NUP210: variants seen among roughly 807,000 people sequenced by gnomAD.
The protein encoded by NUP210 is nucleoporin 210.
A neutral mutation model predicts 196.0 loss-of-function variants in NUP210; 151 were observed. The observed-to-expected ratio is 0.77, with a 90% CI of 0.67 to 0.88. The LOEUF is 0.88. Ranked by LOEUF, NUP210 falls within the 40% of genes least tolerant of loss-of-function variation. The pLI, the probability that NUP210 is intolerant of heterozygous loss-of-function variation, is 0.00. For missense variants in NUP210, 2,314 were observed against 2,493.7 expected (o/e 0.93, Z 1.53); for synonymous variants, 1,070 against 1,052.7 (o/e 1.02, Z -0.32).
chr3:13,397,813 A>G (rs1475267326), intron 2 of NUP210, among the ~76,000 whole-genome samples: 3 of 152,224 alleles, frequency 2.0e-5, no homozygotes, highest in Non-Finnish European at 1.5e-5. Flanking sequence ...TTATAGTATG[A>G]TGAGTTCCCA....
chr3:13,360,482 G>C lies in NUP210; in HGVS notation c.1942C>G (p.Pro648Ala). ...AAYLPLKAVD[P>A]SSVALVTLGS... ...AGGGTTACCAAGGCAACAGAGGAGG[G>C]ATCCACAGCCTGGGGACAGAAGAGG... Residue 648 changes from proline (P) to alanine (A), a missense_variant, in exon 15 of 40, where the codon CCC (proline) becomes GCC (alanine). Pro to Ala is a conservative substitution (Grantham distance 27). Coordinates refer to ENST00000254508, the MANE Select transcript of NUP210 (RefSeq NM_024923.4). 1 of 1,609,104 alleles carries C rather than the reference G, an allele frequency of 6.2e-7. No homozygotes were observed. Among genetic ancestry groups the C allele is most frequent in the South Asian group, 1.1e-5 (1 of 90,120 alleles).
At chr3:13,356,427 G>A (rs1238679906) in intron 16 of NUP210, among the ~76,000 whole-genome samples, 1 of 152,154 alleles carries the variant, frequency 6.6e-6, no homozygotes, top group Non-Finnish European at 1.5e-5. Context: ...GGCGGATCAC[G>A]AGGTCAGGAG....
rs746196575 is a variant in NUP210 at position 13,414,578 on chromosome 3, G to A, written c.167+5482C>T. Reference sequence around the variant, plus strand: ...AGCCCACAAGGTCCCACATGGCCCCGCCCTGCCAACCTCTCCACCCTCCCT... The same window carrying A: ...AGCCCACAAGGTCCCACATGGCCCCACCCTGCCAACCTCTCCACCCTCCCT... On this transcript the variant is annotated intron_variant, in intron 1 of 39. Coordinates refer to ENST00000254508, the MANE Select transcript of NUP210 (RefSeq NM_024923.4). Among the ~76,000 whole-genome samples the A allele has an allele frequency of 5.3e-5, 8 of 152,184 alleles. No individual in the cohort carries two copies. The East Asian group carries it at 5.8e-4, about 11-fold the overall frequency.
intron 1 of NUP210, among the ~76,000 whole-genome samples, chr3:13,413,644 A>G (rs912451520): frequency 4.8e-4 from 73 of 152,240 alleles, no homozygotes; most frequent in Non-Finnish European, 1.0e-3. Flanking sequence ...ACAGGCAAAC[A>G]TCAAAGAGTA....
chr3:13,420,050 C>G lies in NUP210; in HGVS notation c.167+10G>C. On this transcript the variant is annotated intron_variant, in intron 1 of 39. Transcript: ENST00000254508. The surrounding 1 kb of genome is among the most constrained non-coding windows in gnomAD (Gnocchi z 4.8). The stretch of plus-strand genomic sequence containing the variant: ...CCACGGCGCCCGCCCGGCCCGGCCG[C>G]GCGCCTCACCAGCGGTAGCAGCCCT... The G allele has an allele frequency of 7.8e-7, 1 of 1,276,338 alleles. No individual in the cohort carries two copies. 79.1% of individuals were successfully genotyped at this position (1,276,338 alleles called of 1,614,324 possible). A position where few individuals can be genotyped will look rare whatever the true frequency, so the allele number is the denominator to read the frequency against.
Position 13,317,629 on chromosome 3 carries a change from G to T in NUP210, c.*52C>A. ...GAATGCAGCAGGGATGTTCCATCTT[G>T]GGGGTGCACGAGGCTCGGCTGAGAC... On this transcript the variant is annotated 3_prime_UTR_variant, in exon 40 of 40. Transcript: ENST00000254508. 7.7e-7 allele frequency: 1 copy of T among 1,292,630 alleles called. No individual in the cohort carries two copies. The highest frequency in any genetic ancestry group is 1.1e-6 in the Non-Finnish European group (1 of 910,740). The allele number at this position is 1,292,630 out of a possible 1,614,324, so 80.1% of individuals were successfully genotyped here.
chr3:13,332,248 G>T (rs760397335), intron 29 of NUP210, 45 bp downstream of exon 29: 2 of 1,510,090 alleles, frequency 1.3e-6, no homozygotes, highest in South Asian at 1.1e-5. Flanking sequence ...TCGGATGCAA[G>T]CACAGCCGCA....
At chr3:13,349,030 C>T (rs531908521) in intron 20 of NUP210, among the ~76,000 whole-genome samples, 1 of 152,352 alleles carries the variant, frequency 6.6e-6, no homozygotes, top group African/African-American at 2.4e-5. Context: ...GCCAGTTCTG[C>T]AGGACAGTGT....
chr3:13,377,389 C>G, intron 9 of NUP210, 67 bp downstream of exon 9: 1 of 1,173,434 alleles, frequency 8.5e-7, no homozygotes, highest in Non-Finnish European at 1.3e-6. Context: ...GGGGGCTGCT[C>G]TTCAGCAGCC....
At chr3:13,346,550 A>G (rs549278313) in intron 20 of NUP210, among the ~76,000 whole-genome samples, 1 of 152,364 alleles carries the variant, frequency 6.6e-6, no homozygotes, top group East Asian at 1.9e-4. Flanking sequence ...GTCATTGCTC[A>G]TTAAGATGCT....
chr3:13,392,022 T>C (rs1238272675), intron 3 of NUP210, among the ~76,000 whole-genome samples: 1 of 152,080 alleles, frequency 6.6e-6, no homozygotes, highest in Non-Finnish European at 1.5e-5. Flanking sequence ...CAGAAGCTGC[T>C]CGCCCTCTCT....
intron 20 of NUP210, among the ~76,000 whole-genome samples, chr3:13,349,192 T>C (rs1697877371): frequency 6.6e-6 from 1 of 152,196 alleles, no homozygotes; most frequent in South Asian, 2.1e-4. Flanking sequence ...TGAAATAAGA[T>C]GCCCATCCTC....
chr3:13,318,868 T>C (rs1315762639), intron 39 of NUP210, among the ~76,000 whole-genome samples: 1 of 152,178 alleles, frequency 6.6e-6, no homozygotes, highest in East Asian at 1.9e-4. Flanking sequence ...TGGCTCTACC[T>C]GGGGAAAGCT....
chr3:13,400,875 T>G (rs991666796), intron 1 of NUP210, among the ~76,000 whole-genome samples: 1 of 152,118 alleles, frequency 6.6e-6, no homozygotes, highest in African/African-American at 2.4e-5. Context: ...GGTCTCTGCA[T>G]CCTCCCTAAC....
Position 13,319,242 on chromosome 3 carries a change from C to T in NUP210, c.5467G>A (p.Val1823Ile). 1 of 1,613,160 alleles carries T rather than the reference C, an allele frequency of 6.2e-7. No individual in the cohort carries two copies. Among genetic ancestry groups the T allele is most frequent in the Non-Finnish European group, 8.5e-7 (1 of 1,179,578 alleles). ...TLFALLAGTA[V>I]MIIAYHTVCT... is the part of the protein sequence containing the mutation. Reference sequence around the variant, plus strand: ...GCAGCCTCCTCACCTATGATCATGACCGCTGTCCCAGCCAACAGGGCGAAG... The same window carrying T: ...GCAGCCTCCTCACCTATGATCATGATCGCTGTCCCAGCCAACAGGGCGAAG... Residue 1823 changes from valine (V) to isoleucine (I), a missense_variant, in exon 38 of 40, where the codon GTC (valine) becomes ATC (isoleucine). Val to Ile is a conservative substitution (Grantham distance 29, BLOSUM62 3). Transcript: ENST00000254508.
Position 13,337,806 on chromosome 3 carries a change from C to A in NUP210, c.3552+31G>T, listed in dbSNP as rs866821566. On this transcript the variant is annotated intron_variant, in intron 26 of 39. Coordinates refer to ENST00000254508, the MANE Select transcript of NUP210 (RefSeq NM_024923.4). The stretch of plus-strand genomic sequence containing the variant: ...GGTCCCAGCAGTGGCTCTTCGGGAA[C>A]CAGGATTCAGAGCCCAGGAGGTCCC... 6.9e-6 allele frequency: 11 copies of A among 1,588,778 alleles called. No individual in the cohort carries two copies. In the Middle Eastern group the frequency reaches 1.7e-3, roughly 241 times the overall value.
rs1053990662 is a variant in NUP210 at position 13,348,799 on chromosome 3, G to T, written c.2835+3080C>A. The T allele has an allele frequency of 1.0e-6, 1 of 985,396 alleles. No homozygotes were observed. Among genetic ancestry groups the T allele is most frequent in the Non-Finnish European group, 1.2e-6 (1 of 829,924 alleles). The allele number at this position is 985,396 out of a possible 1,614,324, so 61.0% of individuals were successfully genotyped here. A position where few individuals can be genotyped will look rare whatever the true frequency, so the allele number is the denominator to read the frequency against. ...TCCCTCCCCCTCCTTGAGGCACGGC[G>T]CTGAGAAAACATCCTCTTTGCAAGA... On this transcript the variant is annotated intron_variant, in intron 20 of 39. Coordinates refer to ENST00000254508, the MANE Select transcript of NUP210 (RefSeq NM_024923.4). This position sits in a 1 kb window ranked among gnomAD's most constrained non-coding sequence, Gnocchi z 4.0.
chr3:13,376,573 G>A, intron 9 of NUP210, 142 bp from the exon 10 acceptor site: 1 of 805,454 alleles, frequency 1.2e-6, no homozygotes, highest in Non-Finnish European at 2.0e-6. Flanking sequence ...TCCACTAGCA[G>A]CAGACGGGTG....
intron 1 of NUP210, among the ~76,000 whole-genome samples, chr3:13,419,705 G>A (rs1296221517): frequency 2.6e-5 from 4 of 152,140 alleles, no homozygotes; most frequent in Non-Finnish European, 4.4e-5. Context: ...CAGCTGCCCC[G>A]GCGCCCCCTC....
Sources: allele counts gnomAD v4.1 joint callset (sites outside exome capture counted in the v4.1 genomes callset), GRCh38; gene constraint gnomAD v4.1.1; non-coding constraint Gnocchi (gnomAD v3.1); transcripts MANE v1.5; gene names NCBI Gene and HGNC (gene_info 2026-07-23, HGNC 2026-07-21).